MTA3: variants seen among roughly 807,000 people sequenced by gnomAD.
MTA3 encodes metastasis-associated protein MTA3.
In MTA3, 34 loss-of-function variants were observed where a neutral mutation model predicts 83.5. The ratio of observed to expected loss-of-function variants is 0.41; its 90% CI spans 0.31 to 0.54. The LOEUF is 0.54. Ranked by LOEUF, MTA3 falls within the 20% of genes least tolerant of loss-of-function variation. MTA3 has a pLI of 0.33. For synonymous variants in MTA3, 303 were observed against 252.7 expected, an observed-to-expected ratio of 1.20 and a Z score of -1.89; for missense variants, 761 against 726.4, an observed-to-expected ratio of 1.05 and a Z score of -0.55.
chr2:42,558,480 C>T (rs1677504757), intron 2 of MTA3, among the ~76,000 whole-genome samples: 2 of 151,868 alleles, frequency 1.3e-5, no homozygotes, highest in Non-Finnish European at 2.9e-5. Context: ...GAACTCCCGA[C>T]CTCAGGCCAT....
chr2:42,508,292 C>A (rs2103660515), intron 2 of MTA3, among the ~76,000 whole-genome samples: 1 of 152,204 alleles, frequency 6.6e-6, no homozygotes, highest in Non-Finnish European at 1.5e-5. Context: ...CCCATAGAAT[C>A]TCCAGCACCA....
intron 16 of MTA3, among the ~76,000 whole-genome samples, chr2:42,731,518 C>T (rs1208637857): frequency 1.3e-5 from 2 of 152,158 alleles, no homozygotes; most frequent in African/African-American, 2.4e-5. Context: ...TTCTAATAAA[C>T]CCATCAGATC....
chr2:42,520,087 C>T (rs1675351568), intron 2 of MTA3, among the ~76,000 whole-genome samples: 1 of 152,118 alleles, frequency 6.6e-6, no homozygotes, highest in African/African-American at 2.4e-5. Context: ...AACTTAAACA[C>T]AATTTAGGGT....
intron 8 of MTA3, among the ~76,000 whole-genome samples, chr2:42,677,754 C>A (rs916898390): frequency 7.2e-5 from 11 of 152,124 alleles, no homozygotes; most frequent in African/African-American, 2.7e-4. Context: ...ATTATGAGGC[C>A]TCCCCAGCCA....
intron 8 of MTA3, among the ~76,000 whole-genome samples, chr2:42,670,161 A>T (rs1232916216): frequency 1.3e-5 from 2 of 152,162 alleles, no homozygotes; most frequent in African/African-American, 4.8e-5. Flanking sequence ...TGGGAGGCTG[A>T]GGCAGAAGAA....
chr2:42,628,839 C>T (rs1426010495), intron 4 of MTA3, among the ~76,000 whole-genome samples: 1 of 145,702 alleles, frequency 6.9e-6, no homozygotes, highest in Non-Finnish European at 1.5e-5. Context: ...AATTTTTCCT[C>T]GGGTTGTCCT....
intron 16 of MTA3, among the ~76,000 whole-genome samples, chr2:42,742,498 T>C (rs1573827404): frequency 6.6e-6 from 1 of 152,136 alleles, no homozygotes; most frequent in East Asian, 1.9e-4. Flanking sequence ...TCTGCCGATA[T>C]ACCAAATATA....
At chr2:42,517,307 C>G (rs963504872) in intron 2 of MTA3, among the ~76,000 whole-genome samples, 2 of 150,438 alleles carry the variant, frequency 1.3e-5, no homozygotes, top group Non-Finnish European at 3.0e-5. Flanking sequence ...TGCAGTGGCT[C>G]ACACCCCTAA....
chr2:42,643,354 G>C (rs971997627), intron 5 of MTA3, among the ~76,000 whole-genome samples: 17 of 152,124 alleles, frequency 1.1e-4, no homozygotes, highest in African/African-American at 4.1e-4. Context: ...TGGGACTTCT[G>C]CTTCTGGTTC....
intron 2 of MTA3, among the ~76,000 whole-genome samples, chr2:42,547,506 TTTTTAG>T (rs1434739606): frequency 6.6e-6 from 1 of 152,252 alleles, no homozygotes; most frequent in Non-Finnish European, 1.5e-5. Flanking sequence ...AATTTTTGTA[TTTTTAG>T]TAGAGTCAGG....
chr2:42,692,571 T>C (rs1440217252), intron 9 of MTA3, among the ~76,000 whole-genome samples: 1 of 152,014 alleles, frequency 6.6e-6, no homozygotes, highest in East Asian at 1.9e-4. Context: ...ATTACAGACA[T>C]GCATCACTAT....
intron 16 of MTA3, among the ~76,000 whole-genome samples, chr2:42,741,264 T>C (rs987465657): frequency 1.3e-5 from 2 of 152,250 alleles, no homozygotes; most frequent in African/African-American, 2.4e-5. Flanking sequence ...TAAGGGAATG[T>C]TGTTGCTGGT....
chr2:42,647,260 G>T (rs545434938), intron 6 of MTA3, among the ~76,000 whole-genome samples: 9 of 151,606 alleles, frequency 5.9e-5, no homozygotes, highest in Admixed American at 2.0e-4. Context: ...GTCTCGCTCT[G>T]TTGCCCAGGC....
chr2:42,697,419 C>T (rs1264373951), intron 10 of MTA3, among the ~76,000 whole-genome samples: 4 of 152,180 alleles, frequency 2.6e-5, no homozygotes, highest in South Asian at 4.1e-4. Flanking sequence ...TGTGTGTTTT[C>T]TTCTAGAGAG....
chr2:42,740,776 T>G (rs1458586292), intron 16 of MTA3, among the ~76,000 whole-genome samples: 1 of 152,248 alleles, frequency 6.6e-6, no homozygotes, highest in African/African-American at 2.4e-5. Context: ...GGCTTTGTTG[T>G]TCTATTTATA....
intron 3 of MTA3, among the ~76,000 whole-genome samples, chr2:42,597,587 T>C (rs1179409694): frequency 6.6e-6 from 1 of 151,826 alleles, no homozygotes; most frequent in African/African-American, 2.4e-5. Flanking sequence ...GGTTTCACCA[T>C]GTTGGCCAGG....
chr2:42,518,802 C>A (rs931733762), intron 2 of MTA3, among the ~76,000 whole-genome samples: 30 of 151,974 alleles, frequency 2.0e-4, no homozygotes, highest in African/African-American at 7.3e-4. Flanking sequence ...CTCATCCCTA[C>A]AAATAATTTA....
chr2:42,724,277 A>ACACAC (rs1553396461), intron 16 of MTA3, among the ~76,000 whole-genome samples: 2,407 of 73,110 alleles, frequency 0.033, 87 homozygotes, highest in Admixed American at 0.039. Flanking sequence ...AGTCCTGAAA[A>ACACAC]ACACACACAC....
At chr2:42,579,266 C>A (rs1679358719) in intron 3 of MTA3, 66 bp downstream of exon 3, 6 of 1,183,106 alleles carry the variant, frequency 5.1e-6, no homozygotes, top group Non-Finnish European at 4.8e-6. Flanking sequence ...GAGGTGGAAA[C>A]ATGCTTTTTC....
Sources: allele counts gnomAD v4.1 joint callset (sites outside exome capture counted in the v4.1 genomes callset), GRCh38; gene constraint gnomAD v4.1.1; transcripts MANE v1.5; gene names NCBI Gene and HGNC (gene_info 2026-07-23, HGNC 2026-07-21).